The following FXN variants were observed in gnomAD, a reference collection of about 807,000 sequenced individuals.
FXN encodes the protein frataxin, mitochondrial.
In FXN, 14 loss-of-function variants were observed where a neutral mutation model predicts 22.4. The observed-to-expected ratio is 0.62, with a 90% confidence interval of 0.41 to 0.98. FXN has a LOEUF of 0.98. Among genes scored for constraint, FXN ranks in the 50% least tolerant of loss-of-function variants. The pLI is 0.00. For missense variants in FXN, 267 were observed against 268.4 expected (o/e 0.99, Z 0.04); for synonymous variants, 120 against 114.1 (o/e 1.05, Z -0.33).
At chr9:69,058,866 A>G (rs929887679) in intron 3 of FXN, among the ~76,000 whole-genome samples, 1 of 152,128 alleles carries the variant, frequency 6.6e-6, no homozygotes, top group African/African-American at 2.4e-5. Context: ...CAGGAGATCG[A>G]GACCATCCTG....
At chr9:69,036,056 T>G in intron 1 of FXN, 109 bp downstream of exon 1, 1 of 987,944 alleles carries the variant, frequency 1.0e-6, no homozygotes, top group African/African-American at 1.7e-5. Context: ...GTACGCGCGC[T>G]GGACTAGCTC....
At chr9:69,066,732 G>T (rs1372053582) in intron 4 of FXN, among the ~76,000 whole-genome samples, 1 of 152,064 alleles carries the variant, frequency 6.6e-6, no homozygotes, top group East Asian at 1.9e-4. Flanking sequence ...CATATCTGAA[G>T]ACTGAAAACG....
intron 1 of FXN, 25 bp from the exon 2 acceptor site, chr9:69,046,360 C>G: frequency 3.2e-6 from 5 of 1,558,424 alleles, no homozygotes; most frequent in Non-Finnish European, 4.4e-6. Context: ...AAAATAGTAA[C>G]GTACTTCTTA....
At chr9:69,062,745 T>C (rs554171683) in intron 3 of FXN, among the ~76,000 whole-genome samples, 181 of 152,250 alleles carry the variant, frequency 1.2e-3, no homozygotes, top group African/African-American at 4.2e-3. Flanking sequence ...GGGAAATTAG[T>C]GTCTAATGGG....
chr9:69,069,675 T>C (rs2498431), intron 4 of FXN, among the ~76,000 whole-genome samples: 81,582 of 152,072 alleles, frequency 0.54, 22,073 homozygotes, highest in Admixed American at 0.61. Flanking sequence ...TAGGCCTCTG[T>C]AGGGTGCAAG....
chr9:69,040,128 A>G (rs934800914), intron 1 of FXN, among the ~76,000 whole-genome samples: 1 of 152,168 alleles, frequency 6.6e-6, no homozygotes, highest in Admixed American at 6.5e-5. Flanking sequence ...GGAGGTGACA[A>G]ACATTCAAAC....
In FXN at chr9:69,047,350, G is replaced by GACACACAC. The variant is rs148756619; in HGVS notation, c.263+891_263+898dup. ...ACACAGACACAGACACACACACACA[G>GACACACAC]ACACACACACACACACACACACACA... On this transcript the variant is annotated intron_variant, in intron 2 of 4. Coordinates refer to ENST00000484259, the MANE Select transcript of FXN (RefSeq NM_000144.5). Among the ~76,000 whole-genome samples, 155 of 144,174 alleles carry GACACACAC rather than the reference G, an allele frequency of 1.1e-3. 1 individual carries two copies. The highest frequency in any genetic ancestry group is 3.7e-3 in the African/African-American group (147 of 39,354). 94.6% of individuals were successfully genotyped at this position (144,174 alleles called of 152,430 possible). A position where few individuals can be genotyped will look rare whatever the true frequency, so the allele number is the denominator to read the frequency against.
rs573124780 is a variant in FXN, at chr9:69,062,727, A to G, written c.385-2211A>G. ...AGTAGACAGGTGGTTACTAAGGGCTATGGGATGGGGAAATTAGTGTCTAAT... is the reference window on the plus strand; with the variant it reads ...AGTAGACAGGTGGTTACTAAGGGCTGTGGGATGGGGAAATTAGTGTCTAAT... On this transcript the variant is annotated intron_variant, in intron 3 of 4. Coordinates refer to ENST00000484259, the MANE Select transcript of FXN (RefSeq NM_000144.5). Among the ~76,000 whole-genome samples, 56 of 152,234 alleles carry G rather than the reference A, an allele frequency of 3.7e-4. 1 individual carries two copies. The South Asian group carries it at 0.012, about 32-fold the overall frequency.
At position 69,076,970 on chromosome 9, in the gene FXN, A is replaced by G. The variant is rs1832381068; in HGVS notation, c.*4208A>G. On this transcript the variant is annotated 3_prime_UTR_variant, in exon 5 of 5. Coordinates refer to ENST00000484259, the MANE Select transcript of FXN (RefSeq NM_000144.5). ...TGCTCTGTCACCCAGGCTGGAGTGC[A>G]GTGGCACGATCTGGGCTCACTACAA... The G allele has an allele frequency of 6.5e-6, 6 of 923,268 alleles. No individual in the cohort carries two copies. Among genetic ancestry groups the G allele is most frequent in the African/African-American group, 1.8e-5 (1 of 55,926 alleles). The allele number at this position is 923,268 out of a possible 1,614,324, so 57.2% of individuals were successfully genotyped here.
At chr9:69,045,023 T>G (rs1471199137) in intron 1 of FXN, among the ~76,000 whole-genome samples, 1 of 152,160 alleles carries the variant, frequency 6.6e-6, no homozygotes, top group Non-Finnish European at 1.5e-5. Flanking sequence ...CTAACCACCC[T>G]GTAACCTGAA....
chr9:69,059,891 A>T (rs1454967209), intron 3 of FXN, among the ~76,000 whole-genome samples: 2 of 152,232 alleles, frequency 1.3e-5, no homozygotes, highest in Non-Finnish European at 2.9e-5. Context: ...AAAATGGCAT[A>T]GGTAAAAGTG....
chr9:69,072,933 C>A lies in FXN; in HGVS notation c.*171C>A. 1 of 1,462,044 alleles carries A rather than the reference C, an allele frequency of 6.8e-7. No homozygotes were observed. Among genetic ancestry groups the A allele is most frequent in the South Asian group, 1.4e-5 (1 of 70,576 alleles). The allele number at this position is 1,462,044 out of a possible 1,614,324, so 90.6% of individuals were successfully genotyped here. On this transcript the variant is annotated 3_prime_UTR_variant, in exon 5 of 5. Coordinates refer to ENST00000484259, the MANE Select transcript of FXN (RefSeq NM_000144.5). ...TGTAGAAAGAATGTGTTGCCTCCTA[C>A]CTTGCCCCCAAGTTCTGATTTTTAA...
At position 69,046,440 on chromosome 9, in the gene FXN, A is replaced by G. The variant is rs750274023; in HGVS notation, c.221A>G (p.Tyr74Cys). 1 of 1,614,132 alleles carries G rather than the reference A, an allele frequency of 6.2e-7. No homozygotes were observed. Among genetic ancestry groups the G allele is most frequent in the Admixed American group, 1.7e-5 (1 of 60,016 alleles). The stretch of plus-strand genomic sequence containing the variant: ...TGGAATGTCAAAAAGCAGAGTGTCT[A>G]TTTGATGAATTTGAGGAAATCTGGA... The part of the protein sequence containing the change: ...QIWNVKKQSV[Y>C]LMNLRKSGTL... The change falls in exon 2 of 5, where the codon TAT (tyrosine) becomes TGT (cysteine). Residue 74 changes from tyrosine to cysteine, a missense_variant. By Grantham distance (194) the Tyr-to-Cys change is radical. Transcript: ENST00000484259.
chr9:69,070,802 G>GT (rs58208957), intron 4 of FXN, among the ~76,000 whole-genome samples: 37 of 146,528 alleles, frequency 2.5e-4, no homozygotes, highest in Middle Eastern at 3.4e-3. Flanking sequence ...TTTTTGTTTT[G>GT]TTTTTTTTTT....
intron 1 of FXN, among the ~76,000 whole-genome samples, chr9:69,042,456 G>T (rs1831675037): frequency 6.6e-6 from 1 of 152,170 alleles, no homozygotes; most frequent in Non-Finnish European, 1.5e-5. Flanking sequence ...GAGGTTTGTT[G>T]TGAGTACCAC....
intron 3 of FXN, among the ~76,000 whole-genome samples, chr9:69,064,371 T>A (rs1295630108): frequency 2.0e-5 from 3 of 151,934 alleles, no homozygotes; most frequent in Non-Finnish European, 4.4e-5. Flanking sequence ...GTGGGAAGAG[T>A]CTGGAAATAA....
chr9:69,048,852 G>A (rs1366473944), intron 2 of FXN, among the ~76,000 whole-genome samples: 1 of 152,148 alleles, frequency 6.6e-6, no homozygotes, highest in Non-Finnish European at 1.5e-5. Flanking sequence ...GCTTTGCATG[G>A]CTCACAAGGT....
Position 69,077,175 on chromosome 9 carries a change from G to T in FXN, c.*4413G>T. The T allele has an allele frequency of 3.3e-6, 3 of 917,778 alleles. No individual in the cohort carries two copies. Among genetic ancestry groups the T allele is most frequent in the Non-Finnish European group, 3.9e-6 (3 of 768,454 alleles). 56.9% of individuals were successfully genotyped at this position (917,778 alleles called of 1,614,324 possible). ...AATCCACCTGCCTCCGCCTCCCAAA[G>T]TGCTGGGATTACAGGCGTGAGCCAC... is the stretch of plus-strand genomic sequence containing the variant. On this transcript the variant is annotated 3_prime_UTR_variant, in exon 5 of 5. Transcript: ENST00000484259.
At chr9:69,036,200 G>C (rs1831549162) in intron 1 of FXN, 2 of 260,244 alleles carry the variant, frequency 7.7e-6, no homozygotes, top group Non-Finnish European at 7.0e-6. Context: ...GCGACTGCGG[G>C]TCAAGGCACG....
Sources: allele counts gnomAD v4.1 joint callset (sites outside exome capture counted in the v4.1 genomes callset), GRCh38; gene constraint gnomAD v4.1.1; transcripts MANE v1.5; gene names NCBI Gene and HGNC (gene_info 2026-07-23, HGNC 2026-07-21).